RNF150: variants seen among roughly 807,000 people sequenced by gnomAD.
RNF150 encodes ring finger protein 150.
A neutral mutation model predicts 39.3 loss-of-function variants in RNF150; 24 were observed. That is an observed-to-expected ratio of 0.61 (90% CI 0.44 to 0.86). The LOEUF (loss-of-function observed/expected upper bound fraction) is 0.86, where lower values mean the gene tolerates loss of function less well. Among genes scored for constraint, RNF150 ranks in the 40% least tolerant of loss-of-function variants. The pLI, the probability that RNF150 is intolerant of heterozygous loss-of-function variation, is 0.00. For synonymous variants in RNF150, 255 were observed against 227.3 expected, an observed-to-expected ratio of 1.12 and a Z score of -1.10; for missense variants, 502 against 587.8, an observed-to-expected ratio of 0.85 and a Z score of 1.51.
At chr4:141,026,433 G>T (rs898266225) in intron 1 of RNF150, among the ~76,000 whole-genome samples, 1 of 152,188 alleles carries the variant, frequency 6.6e-6, no homozygotes, top group South Asian at 2.1e-4. Flanking sequence ...TTAAGTGTTT[G>T]ATAGTTTCTT....
rs115034222 is a variant in RNF150, at chr4:141,059,263, G to T, written c.484+73062C>A. On this transcript the variant is annotated intron_variant, in intron 1 of 6. Transcript: ENST00000515673. ...AATGGGCTGTATGTTTAGTCGAATC[G>T]CTATGTCTGCTTGACTGTAATTCTA... Among the ~76,000 whole-genome samples, 744 of 152,094 alleles carry T rather than the reference G, an allele frequency of 4.9e-3. 7 individuals are homozygous for T. The highest frequency in any genetic ancestry group is 0.017 in the African/African-American group (702 of 41,508).
chr4:141,137,882 A>G (rs572605797), upstream of RNF150, among the ~76,000 whole-genome samples: 7 of 152,286 alleles, frequency 4.6e-5, no homozygotes, highest in East Asian at 9.7e-4. Flanking sequence ...TCCACCAGCC[A>G]GGCAGCCCAG....
chr4:141,095,622 A>G (rs966564803), intron 1 of RNF150, among the ~76,000 whole-genome samples: 1 of 152,224 alleles, frequency 6.6e-6, no homozygotes, highest in African/African-American at 2.4e-5. Context: ...TTTGCATATC[A>G]AGTTTATAGA....
chr4:140,927,616 C>T (rs557919658), intron 4 of RNF150, among the ~76,000 whole-genome samples: 74 of 151,648 alleles, frequency 4.9e-4, no homozygotes, highest in African/African-American at 1.6e-3. Context: ...GCCTATGGAA[C>T]TGTGAGCCAA....
At chr4:140,888,644 C>A (rs1158427449) in intron 6 of RNF150, among the ~76,000 whole-genome samples, 1 of 152,180 alleles carries the variant, frequency 6.6e-6, no homozygotes, top group African/African-American at 2.4e-5. Flanking sequence ...ATAAGGGGGA[C>A]TGAGCTGAGC....
chr4:140,925,914 C>G, intron 5 of RNF150, 63 bp downstream of exon 5: 2 of 1,146,224 alleles, frequency 1.7e-6, no homozygotes, highest in Non-Finnish European at 2.6e-6. Flanking sequence ...AATGTTTTCT[C>G]CCTGCTTTGA....
At chr4:140,986,843 G>A (rs1176575231) in intron 1 of RNF150, among the ~76,000 whole-genome samples, 1 of 151,950 alleles carries the variant, frequency 6.6e-6, no homozygotes, top group Non-Finnish European at 1.5e-5. Flanking sequence ...TCTTTTTTCA[G>A]TGATGTTATG....
intron 1 of RNF150, among the ~76,000 whole-genome samples, chr4:141,003,175 T>A: frequency 6.6e-6 from 1 of 152,060 alleles, no homozygotes; most frequent in African/African-American, 2.4e-5. Flanking sequence ...AATAAAGAAT[T>A]GAATTTTAAG....
intron 1 of RNF150, among the ~76,000 whole-genome samples, chr4:141,043,273 G>C (rs1289112326): frequency 2.0e-5 from 3 of 152,014 alleles, no homozygotes; most frequent in Admixed American, 6.6e-5. Context: ...TTGTGAAGGA[G>C]AGGGGTGGGC....
intron 1 of RNF150, among the ~76,000 whole-genome samples, chr4:141,080,687 G>T (rs7441557): frequency 2.0e-5 from 3 of 152,168 alleles, no homozygotes; most frequent in Admixed American, 1.3e-4. Flanking sequence ...TGTGAGAAAG[G>T]GCAAGGGGAA....
intron 1 of RNF150, among the ~76,000 whole-genome samples, chr4:141,042,335 C>A (rs1331259246): frequency 6.6e-6 from 1 of 152,018 alleles, no homozygotes; most frequent in African/African-American, 2.4e-5. Context: ...AAATAAAGGG[C>A]AAATCAACTT....
chr4:141,172,894 T>C (rs1412488971), intron 1 of RNF150, among the ~76,000 whole-genome samples: 3 of 152,008 alleles, frequency 2.0e-5, no homozygotes, highest in African/African-American at 7.2e-5. Context: ...GGCATGGTGG[T>C]GGGCACCTGT....
At chr4:140,914,921 GGTAGATACAAGGACACTTT>G (rs1730754121) in intron 5 of RNF150, among the ~76,000 whole-genome samples, 1 of 151,808 alleles carries the variant, frequency 6.6e-6, no homozygotes, top group African/African-American at 2.4e-5. Flanking sequence ...TTATACCATG[GGTAGATACAAGGACACTTT>G]GTTAAAACAA....
At chr4:141,126,525 C>T (rs72933085) in intron 1 of RNF150, among the ~76,000 whole-genome samples, 26 of 152,236 alleles carry the variant, frequency 1.7e-4, no homozygotes, top group African/African-American at 6.0e-4. Context: ...AGATGGAGTC[C>T]CATGCACTGT....
Position 141,132,548 on chromosome 4 carries a change from G to A in RNF150, c.261C>T (p.Arg87=). The change falls in exon 1 of 7, where the codon CGC becomes CGT. Residue 87 remains arginine (R), a synonymous_variant. Transcript: ENST00000515673. The surrounding 1 kb of genome is among the most constrained non-coding windows in gnomAD (Gnocchi z 4.9). ...YGEHSPKQDA[R]GEVVMASSAH... ...CCGAGCTGGCCATGACCACCTCCCC[G>A]CGGGCGTCCTGCTTGGGCGAGTGCT... 6.3e-7 allele frequency: 1 copy of A among 1,595,614 alleles called. No individual in the cohort carries two copies. The highest frequency in any genetic ancestry group is 8.5e-7 in the Non-Finnish European group (1 of 1,171,988).
chr4:141,051,878 T>C (rs945229498), intron 1 of RNF150, among the ~76,000 whole-genome samples: 11 of 152,174 alleles, frequency 7.2e-5, no homozygotes, highest in African/African-American at 7.2e-5. Context: ...TCACAATTTA[T>C]GGTATTAGTC....
rs1728734821 is a variant in RNF150, at chr4:140,866,949, G to A, written c.*1312C>T. The A allele has an allele frequency of 6.6e-6, 1 of 152,112 alleles. No individual in the cohort carries two copies. Among genetic ancestry groups the A allele is most frequent in the Admixed American group, 6.6e-5 (1 of 15,264 alleles). The allele number at this position is 152,112 out of a possible 1,614,324, so 9.4% of individuals were successfully genotyped here. On this transcript the variant is annotated 3_prime_UTR_variant, in exon 7 of 7. Coordinates refer to ENST00000515673, the MANE Select transcript of RNF150 (RefSeq NM_020724.2). ...CAGAAACAGTTTAAAAACACCATTG[G>A]GTTTCAGTATTTACTTGATACCTCT...
chr4:141,206,651 G>A (rs58253388), intron 1 of RNF150, among the ~76,000 whole-genome samples: 36,333 of 151,914 alleles, frequency 0.24, 4,839 homozygotes, highest in East Asian at 0.61. Context: ...TGTGTTACAT[G>A]ACCTGGCAAA....
intron 1 of RNF150, among the ~76,000 whole-genome samples, chr4:141,072,260 G>A (rs1737735880): frequency 2.6e-5 from 4 of 152,182 alleles, no homozygotes; most frequent in African/African-American, 7.2e-5. Context: ...ATGAAATTTT[G>A]TGACCACTAA....
Sources: gnomAD v4.1 joint callset for allele counts (sites outside exome capture counted in the v4.1 genomes callset) on GRCh38, gnomAD v4.1.1 for gene constraint, Gnocchi (gnomAD v3.1) non-coding constraint, MANE v1.5 for transcripts, NCBI Gene and HGNC (gene_info 2026-07-23, HGNC 2026-07-21) for gene names.